TMEM245: variants seen among roughly 807,000 people sequenced by gnomAD.
TMEM245 encodes the protein transmembrane protein 245.
A neutral mutation model predicts 101.2 loss-of-function variants in TMEM245; 69 were observed. The ratio of observed to expected loss-of-function variants is 0.68; its 90% CI spans 0.56 to 0.83. The LOEUF is 0.83. TMEM245 is among the 40% of genes least tolerant of loss of function. The pLI, the probability that TMEM245 is intolerant of heterozygous loss-of-function variation, is 0.00. For synonymous variants in TMEM245, 537 were observed against 449.8 expected, an observed-to-expected ratio of 1.19 and a Z score of -2.45; for missense variants, 1,075 against 1,092.8, an observed-to-expected ratio of 0.98 and a Z score of 0.23.
At chr9:109,081,043 G>T (rs1394985578) in intron 7 of TMEM245, 100 bp from the exon 8 acceptor site, 1 of 765,208 alleles carries the variant, frequency 1.3e-6, no homozygotes, top group Admixed American at 2.5e-5. Context: ...CTCCAGCATG[G>T]CAAAGCAAAT....
At chr9:109,055,940 A>G (rs1351604631) in intron 12 of TMEM245, among the ~76,000 whole-genome samples, 1 of 152,106 alleles carries the variant, frequency 6.6e-6, no homozygotes, top group Middle Eastern at 3.2e-3. Flanking sequence ...GGCCTCAATC[A>G]CTGTTTCAAA....
At chr9:109,088,841 T>G (rs1445108554) in intron 5 of TMEM245, among the ~76,000 whole-genome samples, 1 of 143,350 alleles carries the variant, frequency 7.0e-6, no homozygotes, top group African/African-American at 2.6e-5. Flanking sequence ...AAAAAAAGTA[T>G]GGAACAATCT....
At chr9:109,057,439 A>G in intron 11 of TMEM245, 117 bp from the exon 12 acceptor site, 1 of 1,201,586 alleles carries the variant, frequency 8.3e-7, no homozygotes, top group African/African-American at 1.5e-5. Flanking sequence ...CTCCAAGGAA[A>G]AGAACTTTGC....
chr9:109,107,193 GC>G (rs1254351735), intron 2 of TMEM245, among the ~76,000 whole-genome samples: 1 of 151,406 alleles, frequency 6.6e-6, no homozygotes, highest in African/African-American at 2.4e-5. Context: ...TTCGAGACCA[GC>G]CTGGCCAGCA....
chr9:109,016,576 A>C lies in TMEM245; in HGVS notation c.*3884T>G, dbSNP rs1338535064. ...GTCCCATTCTAGCACAGAATTTCTG[A>C]CTCTAGTAGACAGAACAACTTGATT... On this transcript the variant is annotated 3_prime_UTR_variant, in exon 18 of 18. Transcript: ENST00000374586. 1 of 151,642 alleles carries C rather than the reference A, an allele frequency of 6.6e-6. No homozygotes were observed. Among genetic ancestry groups the C allele is most frequent in the Non-Finnish European group, 1.5e-5 (1 of 67,950 alleles). 9.4% of individuals were successfully genotyped at this position (151,642 alleles called of 1,614,324 possible).
At chr9:109,090,420 T>C (rs1467221961) in intron 5 of TMEM245, among the ~76,000 whole-genome samples, 1 of 151,998 alleles carries the variant, frequency 6.6e-6, no homozygotes, top group Non-Finnish European at 1.5e-5. Context: ...ACACATTTTT[T>C]GAGCTTAAAA....
At position 109,119,837 on chromosome 9, in the gene TMEM245, G is replaced by A. The variant is rs965211846; in HGVS notation, c.77C>T (p.Ala26Val). 14 of 1,349,294 alleles carry A rather than the reference G, an allele frequency of 1.0e-5. No homozygotes were observed. Among genetic ancestry groups the A allele is most frequent in the South Asian group, 2.0e-5 (1 of 51,126 alleles). The allele number at this position is 1,349,294 out of a possible 1,614,324, so 83.6% of individuals were successfully genotyped here. ...SPGPAPRVPR[A>V]VGPSGGGGET... ...CCCGCCACCGCCACTCGGCCCGACC[G>A]CGCGCGGGACCCGCGGCGCCGGCCC... The change falls in exon 1 of 18, where the codon GCG (alanine) becomes GTG (valine). Residue 26 changes from alanine (A) to valine (V), a missense_variant. Coordinates refer to ENST00000374586, the MANE Select transcript of TMEM245 (RefSeq NM_032012.4).
intron 3 of TMEM245, among the ~76,000 whole-genome samples, chr9:109,104,566 G>A (rs1830362600): frequency 6.6e-6 from 1 of 152,150 alleles, no homozygotes; most frequent in East Asian, 1.9e-4. Flanking sequence ...ATATGGAAAT[G>A]CAAGGGACCC....
At chr9:109,052,537 C>T (rs1352771336) in intron 12 of TMEM245, among the ~76,000 whole-genome samples, 2 of 152,222 alleles carry the variant, frequency 1.3e-5, no homozygotes, top group Non-Finnish European at 2.9e-5. Flanking sequence ...TTTATAAAGG[C>T]ATATTTTGTT....
Position 109,119,752 on chromosome 9 carries a change from G to C in TMEM245, c.162C>G (p.Phe54Leu). The C allele has an allele frequency of 6.6e-7, 1 of 1,521,298 alleles. No individual in the cohort carries two copies. The highest frequency in any genetic ancestry group is 8.8e-7 in the Non-Finnish European group (1 of 1,140,222). The allele number at this position is 1,521,298 out of a possible 1,614,324, so 94.2% of individuals were successfully genotyped here. The change falls in exon 1 of 18, where the codon TTC (phenylalanine) becomes TTG (leucine). Residue 54 changes from phenylalanine to leucine, a missense_variant. By Grantham distance (22) the Phe-to-Leu change is conservative. Around this residue, in one of 2 missense-constraint regions of TMEM245, gnomAD observed 808 missense variants for 741.5 expected, o/e 1.09. Transcript: ENST00000374586. ...CGAACAGCACGGCCCCGGTGTTGTA[G>C]AAGGCCTGCTTAATGGGCTTGTCGA... ...LRFDKPIKQA[F>L]YNTGAVLFVC...
chr9:109,056,420 C>A (rs1828837244), intron 12 of TMEM245, among the ~76,000 whole-genome samples: 1 of 138,698 alleles, frequency 7.2e-6, no homozygotes, highest in African/African-American at 2.8e-5. Context: ...CATGGAGAAA[C>A]CCCATATCTA....
At chr9:109,062,681 GC>G (rs1404185472) in intron 10 of TMEM245, among the ~76,000 whole-genome samples, 1 of 152,178 alleles carries the variant, frequency 6.6e-6, no homozygotes, top group Non-Finnish European at 1.5e-5. Context: ...ATATAATAAA[GC>G]CATTTGGCCA....
In TMEM245 at chr9:109,064,471, C is replaced by A. The variant is rs1829104822; in HGVS notation, c.1623+6G>T. 6.2e-7 allele frequency: 1 copy of A among 1,609,760 alleles called. No homozygotes were observed. Among genetic ancestry groups the A allele is most frequent in the South Asian group, 1.1e-5 (1 of 90,298 alleles). The stretch of plus-strand genomic sequence containing the variant: ...AGAAAGCCACAAAGAAAGTTTCTTC[C>A]CTTACCTTGTGAGTTATCCATTCTC... On this transcript the variant is annotated splice_donor_region_variant and intron_variant, in intron 10 of 17. Transcript: ENST00000374586.
intron 10 of TMEM245, 97 bp downstream of exon 10, chr9:109,064,380 G>A: frequency 1.8e-6 from 2 of 1,083,188 alleles, no homozygotes; most frequent in Non-Finnish European, 1.4e-6. Context: ...ATTTACTGCT[G>A]TGAATAGCAT....
Position 109,087,217 on chromosome 9 carries a change from GC to G in TMEM245, c.1275del (p.Trp425CysfsTer11), listed in dbSNP as rs1377641918. The G allele has an allele frequency of 6.2e-7, 1 of 1,612,610 alleles. No homozygotes were observed. ...AAGAATTTTCCAAGCCCGACAATGG[GC>G]CAAGGCGCGAGAGCTCCCTGCCGCT... ...LKERQGALAPWPIVGLGKFLL... is the reference protein window; with the variant it reads ...LKERQGALAPXPIVGLGKFLL... On this transcript the variant is annotated frameshift_variant, in exon 6 of 18. Transcript: ENST00000374586. LOFTEE classifies it high-confidence loss of function.
chr9:109,081,931 C>T (rs1829677127), intron 7 of TMEM245, among the ~76,000 whole-genome samples: 1 of 152,070 alleles, frequency 6.6e-6, no homozygotes, highest in East Asian at 1.9e-4. Context: ...TGCTAGAATT[C>T]CTTTCATGCA....
At chr9:109,084,068 G>A (rs1829763824) in intron 7 of TMEM245, among the ~76,000 whole-genome samples, 2 of 143,260 alleles carry the variant, frequency 1.4e-5, no homozygotes, top group South Asian at 4.8e-4. Flanking sequence ...GACAGAGTGA[G>A]ATCCTGTCTC....
At chr9:109,118,399 T>C (rs1188266343) in intron 1 of TMEM245, among the ~76,000 whole-genome samples, 8 of 152,250 alleles carry the variant, frequency 5.3e-5, no homozygotes, top group Non-Finnish European at 1.2e-4. Context: ...TAAATGGTAC[T>C]GTTTATGAAT....
intron 8 of TMEM245, among the ~76,000 whole-genome samples, chr9:109,077,432 C>T (rs757700431): frequency 2.0e-5 from 3 of 152,208 alleles, no homozygotes; most frequent in Non-Finnish European, 2.9e-5. Flanking sequence ...GGATTACAGG[C>T]ATAAGCCACC....
Sources: allele counts gnomAD v4.1 joint callset (sites outside exome capture counted in the v4.1 genomes callset), GRCh38; gene constraint gnomAD v4.1.1; regional missense constraint gnomAD v4.1.1; transcripts MANE v1.5; gene names NCBI Gene and HGNC (gene_info 2026-07-23, HGNC 2026-07-21).